The following CHN2 variants were observed in gnomAD, a reference collection of about 807,000 sequenced individuals.
The protein encoded by CHN2 is chimerin 2, also known as beta-chimaerin.
A neutral mutation model predicts 56.3 loss-of-function variants in CHN2; 35 were observed. That is an observed-to-expected ratio of 0.62 (90% CI 0.47 to 0.82). The LOEUF (loss-of-function observed/expected upper bound fraction) is 0.82, where lower values mean the gene tolerates loss of function less well. Ranked by LOEUF, CHN2 falls within the 40% of genes least tolerant of loss-of-function variation. The pLI is 0.00. For synonymous variants in CHN2, 210 were observed against 212.8 expected, an observed-to-expected ratio of 0.99 and a Z score of 0.12; for missense variants, 491 against 580.5, an observed-to-expected ratio of 0.85 and a Z score of 1.58.
At chr7:29,206,316 C>A (rs1029010786) in intron 1 of CHN2, among the ~76,000 whole-genome samples, 1 of 152,128 alleles carries the variant, frequency 6.6e-6, no homozygotes, top group African/African-American at 2.4e-5. Flanking sequence ...GGAAAAAACT[C>A]TATCGCCCAG....
chr7:29,430,180 G>C (rs753878265), intron 6 of CHN2, among the ~76,000 whole-genome samples: 7 of 152,218 alleles, frequency 4.6e-5, no homozygotes, highest in Non-Finnish European at 1.0e-4. Context: ...TTCCTGAACA[G>C]AAAGGCCAAG....
chr7:29,194,515 C>CGGCGGGAGA, upstream of CHN2: 1 of 169,438 alleles, frequency 5.9e-6, no homozygotes. Flanking sequence ...ACTCGAAGTG[C>CGGCGGGAGA]GGCGGGAGAG....
intron 7 of CHN2, among the ~76,000 whole-genome samples, chr7:29,485,511 G>A (rs1490913017): frequency 6.6e-6 from 1 of 152,210 alleles, no homozygotes; most frequent in Admixed American, 6.5e-5. Flanking sequence ...GTAAGAGACA[G>A]TGTGGTTGTT....
intron 3 of CHN2, among the ~76,000 whole-genome samples, chr7:29,381,324 A>T (rs532558408): frequency 6.6e-6 from 1 of 152,230 alleles, no homozygotes; most frequent in Non-Finnish European, 1.5e-5. Context: ...GAGTACAAAA[A>T]ACTCTAGCCA....
chr7:29,280,971 C>G (rs557489245), intron 1 of CHN2, among the ~76,000 whole-genome samples: 9 of 152,268 alleles, frequency 5.9e-5, no homozygotes, highest in Non-Finnish European at 1.0e-4. Context: ...TGGCGCATGC[C>G]TGTAATCTCA....
At chr7:29,435,246 G>C (rs1783134863) in intron 6 of CHN2, among the ~76,000 whole-genome samples, 1 of 152,216 alleles carries the variant, frequency 6.6e-6, no homozygotes, top group South Asian at 2.1e-4. Flanking sequence ...TAGGAGAGGA[G>C]AGTGATTTCC....
At chr7:29,266,184 G>A (rs991157539) in intron 1 of CHN2, among the ~76,000 whole-genome samples, 1 of 152,168 alleles carries the variant, frequency 6.6e-6, no homozygotes, top group African/African-American at 2.4e-5. Context: ...TAGGAAACTG[G>A]AACACCATTG....
At chr7:29,301,419 C>T (rs983279431) in intron 1 of CHN2, among the ~76,000 whole-genome samples, 3 of 151,322 alleles carry the variant, frequency 2.0e-5, no homozygotes, top group Non-Finnish European at 4.4e-5. Flanking sequence ...AATCTAAGTG[C>T]AGCACCAGGT....
At chr7:29,310,449 G>A (rs574156482) in intron 1 of CHN2, among the ~76,000 whole-genome samples, 5 of 152,238 alleles carry the variant, frequency 3.3e-5, no homozygotes, top group African/African-American at 9.6e-5. Flanking sequence ...AGATTGAAAC[G>A]GGATGCTTAG....
chr7:29,274,975 T>G (rs920398555), intron 1 of CHN2, among the ~76,000 whole-genome samples: 1 of 152,080 alleles, frequency 6.6e-6, no homozygotes, highest in Non-Finnish European at 1.5e-5. Context: ...TATGCCACCA[T>G]AGCAAGGCCC....
At chr7:29,169,628 T>G (rs1356543150) in intron 2 of CHN2, among the ~76,000 whole-genome samples, 8 of 152,138 alleles carry the variant, frequency 5.3e-5, no homozygotes, top group Non-Finnish European at 1.2e-4. Flanking sequence ...CTATTCTTCT[T>G]TGGCTTCTGC....
intron 2 of CHN2, among the ~76,000 whole-genome samples, chr7:29,175,952 C>T (rs996880088): frequency 1.8e-4 from 28 of 151,912 alleles, no homozygotes; most frequent in East Asian, 5.8e-4. Flanking sequence ...TTTGGGAGGC[C>T]GAGGCGGGAA....
At chr7:29,421,970 A>G (rs180796654) in intron 6 of CHN2, among the ~76,000 whole-genome samples, 4 of 152,364 alleles carry the variant, frequency 2.6e-5, no homozygotes, top group South Asian at 4.1e-4. Flanking sequence ...TTTGGTGACT[A>G]TTAACATGGG....
chr7:29,387,827 C>A (rs985251745), intron 3 of CHN2, among the ~76,000 whole-genome samples: 4 of 152,110 alleles, frequency 2.6e-5, no homozygotes, highest in African/African-American at 9.7e-5. Context: ...TAGTAACTTT[C>A]GAATCTTTGG....
chr7:29,301,342 TACACACACACACACACAC>T (rs10570363), intron 1 of CHN2, among the ~76,000 whole-genome samples: 16 of 141,710 alleles, frequency 1.1e-4, no homozygotes, highest in South Asian at 2.5e-4. Context: ...CTCAAACAGG[TACACACACACACACACAC>T]ACACACACAC....
chr7:29,222,818 A>G (rs1255488707), intron 1 of CHN2, among the ~76,000 whole-genome samples: 1 of 152,214 alleles, frequency 6.6e-6, no homozygotes, highest in East Asian at 1.9e-4. Context: ...AAGAAAAAAC[A>G]TGGAGAACTT....
intron 6 of CHN2, among the ~76,000 whole-genome samples, chr7:29,473,277 C>T (rs779622620): frequency 2.6e-5 from 4 of 152,132 alleles, no homozygotes; most frequent in South Asian, 2.1e-4. Context: ...GCACTGACTA[C>T]GTTCATACTT....
intron 1 of CHN2, among the ~76,000 whole-genome samples, chr7:29,230,699 C>G (rs192203375): frequency 1.3e-5 from 2 of 152,288 alleles, no homozygotes; most frequent in East Asian, 3.9e-4. Flanking sequence ...TTCAGCTGCT[C>G]AATGAAAGAT....
In CHN2 at chr7:29,309,663, C is replaced by T. The variant is rs531291366; in HGVS notation, c.50-44962C>T. Among the ~76,000 whole-genome samples, 5 of 152,312 alleles carry T rather than the reference C, an allele frequency of 3.3e-5. No homozygotes were observed. In the East Asian group the frequency reaches 7.7e-4, roughly 23 times the overall value. On this transcript the variant is annotated intron_variant, in intron 1 of 12. Coordinates refer to ENST00000222792, the MANE Select transcript of CHN2 (RefSeq NM_004067.4). ...ATAATCAAATCCAGTTGCGTAACTT[C>T]GGGAGTTTGTGTTTTCTTCTGTTGA...
Sources: gnomAD v4.1 joint callset for allele counts (sites outside exome capture counted in the v4.1 genomes callset) on GRCh38, gnomAD v4.1.1 for gene constraint, MANE v1.5 for transcripts, NCBI Gene and HGNC (gene_info 2026-07-23, HGNC 2026-07-21) for gene names.